MCC: variants seen among roughly 807,000 people sequenced by gnomAD.
The protein encoded by MCC is MCC regulator of Wnt signaling pathway, also known as colorectal mutant cancer protein.
MCC carries 90 observed loss-of-function variants against 116.2 expected under a neutral mutation model. That is an observed-to-expected ratio of 0.77 (90% confidence interval 0.65 to 0.92). The LOEUF is 0.92. Among genes scored for constraint, MCC ranks in the 40% least tolerant of loss-of-function variants. MCC has a pLI of 0.00. For missense variants in MCC, 1,516 were observed against 1,312.2 expected, an observed-to-expected ratio of 1.16 and a Z score of -2.40; for synonymous variants, 578 against 510.5, an observed-to-expected ratio of 1.13 and a Z score of -1.78.
intron 1 of MCC, among the ~76,000 whole-genome samples, chr5:113,411,774 A>C (rs1231577065): frequency 7.9e-5 from 12 of 152,310 alleles, no homozygotes; most frequent in South Asian, 2.1e-4. Flanking sequence ...TCTTTAGTTT[A>C]ATTAGATCCC....
At position 113,085,199 on chromosome 5, in the gene MCC, T is replaced by C. The variant is rs779851771; in HGVS notation, c.1510A>G (p.Thr504Ala). The C allele has an allele frequency of 1.1e-5, 18 of 1,614,160 alleles. No homozygotes were observed. In the Admixed American group the frequency reaches 2.5e-4, roughly 22 times the overall value. The change falls in exon 9 of 19, where the codon ACA becomes GCA. Residue 504 changes from threonine to alanine, a missense_variant. Thr to Ala is a moderately conservative substitution (Grantham distance 58). Coordinates refer to ENST00000408903, the MANE Select transcript of MCC (RefSeq NM_001085377.2). ...PINPSTGELS[T>A]SSSSNDIPIA... is the part of the protein sequence containing the mutation. ...GGAATGTCATTGCTGCTGCTGCTTG[T>C]GCTCAGCTCCCCAGTGCTGGGGTTA...
rs1561569835 is a variant in MCC at position 113,434,071 on chromosome 5, C to T, written c.171-48859G>A. ...TCGTCGATGTGGAGCCGCCGGTTGA[C>T]GTCGGGCTGCAGCATGTGGTAGATG... On this transcript the variant is annotated intron_variant, in intron 1 of 18. Transcript: ENST00000408903. The surrounding 1 kb of genome is among the most constrained non-coding windows in gnomAD (Gnocchi z 4.2). 3.7e-6 allele frequency: 6 copies of T among 1,614,168 alleles called. No individual in the cohort carries two copies. The highest frequency in any genetic ancestry group is 2.2e-5 in the South Asian group (2 of 91,082).
intron 5 of MCC, among the ~76,000 whole-genome samples, chr5:113,129,106 G>A (rs1758271653): frequency 6.6e-6 from 1 of 152,196 alleles, no homozygotes; most frequent in African/African-American, 2.4e-5. Context: ...CCAGTAAGCA[G>A]AAGGGTTGAG....
intron 1 of MCC, among the ~76,000 whole-genome samples, chr5:113,483,693 T>C (rs1772438519): frequency 6.6e-6 from 1 of 152,120 alleles, no homozygotes; most frequent in South Asian, 2.1e-4. Flanking sequence ...CATTACTAGG[T>C]ATATACTCAA....
intron 14 of MCC, among the ~76,000 whole-genome samples, chr5:113,063,503 G>A (rs929253453): frequency 1.3e-5 from 2 of 152,208 alleles, no homozygotes; most frequent in African/African-American, 4.8e-5. Context: ...GAGAGGAGAG[G>A]CTCTTGCCTG....
chr5:113,452,138 T>G (rs950884738), intron 1 of MCC, among the ~76,000 whole-genome samples: 2 of 152,180 alleles, frequency 1.3e-5, no homozygotes, highest in African/African-American at 4.8e-5. Context: ...AAATGGAAAC[T>G]GCCAGGACAC....
At chr5:113,149,837 G>A (rs1222855809) in intron 4 of MCC, among the ~76,000 whole-genome samples, 1 of 152,162 alleles carries the variant, frequency 6.6e-6, no homozygotes, top group Non-Finnish European at 1.5e-5. Flanking sequence ...CATAAGATCT[G>A]AGTGGCATCA....
rs772732918 is a variant in MCC at position 113,053,908 on chromosome 5, GTCT to G, written c.2262_2264del (p.Glu754del). ...GGATATAATCCTTCAGCCTCTGCTC[GTCT>G]TCTTTAGTGAACTCGGTGTCGCAAC... On this transcript the variant is annotated inframe_deletion, in exon 15 of 19. Coordinates refer to ENST00000408903, the MANE Select transcript of MCC (RefSeq NM_001085377.2). The G allele has an allele frequency of 1.9e-6, 3 of 1,613,952 alleles. No homozygotes were observed. Among genetic ancestry groups the G allele is most frequent in the Non-Finnish European group, 2.5e-6 (3 of 1,179,918 alleles).
chr5:113,168,695 T>C (rs1258807208), intron 3 of MCC, among the ~76,000 whole-genome samples: 1 of 152,134 alleles, frequency 6.6e-6, no homozygotes, highest in Non-Finnish European at 1.5e-5. Context: ...AAAGCAACTG[T>C]GCTTTTTTGC....
intron 3 of MCC, among the ~76,000 whole-genome samples, chr5:113,219,588 A>G (rs1336628177): frequency 6.6e-6 from 1 of 152,212 alleles, no homozygotes; most frequent in Non-Finnish European, 1.5e-5. Context: ...ATTGCTTTAA[A>G]ATTTCAATAA....
chr5:113,477,234 CA>C lies in MCC; in HGVS notation c.170+11010del, dbSNP rs567878647. On this transcript the variant is annotated intron_variant, in intron 1 of 18. Transcript: ENST00000408903. ...CTAGACTGTAGGTAGTTGCTAAAAACAAAACAAGACAAAAACCAGTAAGTTG... is the reference window on the plus strand; with the variant it reads ...CTAGACTGTAGGTAGTTGCTAAAAACAAACAAGACAAAAACCAGTAAGTTG... Among the ~76,000 whole-genome samples the C allele has an allele frequency of 1.1e-4, 16 of 152,204 alleles. No homozygotes were observed. In the East Asian group the frequency reaches 3.1e-3, roughly 29 times the overall value.
At chr5:113,056,726 AAAAGT>A (rs1359372383) in intron 14 of MCC, among the ~76,000 whole-genome samples, 1 of 151,470 alleles carries the variant, frequency 6.6e-6, no homozygotes, top group Admixed American at 6.6e-5. Flanking sequence ...AACTTAAAAT[AAAAGT>A]AAAAAAAAAA....
chr5:113,432,074 TTTG>T (rs1192262773), intron 1 of MCC, among the ~76,000 whole-genome samples: 1 of 151,402 alleles, frequency 6.6e-6, no homozygotes, highest in East Asian at 1.9e-4. Context: ...AGGCGGAGGT[TTTG>T]GTGAGCCAAG....
Position 113,026,234 on chromosome 5 carries a change from C to A in MCC, c.*1068G>T, listed in dbSNP as rs1032766056. 1 of 152,210 alleles carries A rather than the reference C, an allele frequency of 6.6e-6. No homozygotes were observed. The highest frequency in any genetic ancestry group is 1.5e-5 in the Non-Finnish European group (1 of 68,054). The allele number at this position is 152,210 out of a possible 1,614,324, so 9.4% of individuals were successfully genotyped here. The stretch of plus-strand genomic sequence containing the variant: ...TTAACTACCATTCCCTCACTCTGTC[C>A]CCGTCATGACAACAGGAGCTAAGTC... On this transcript the variant is annotated 3_prime_UTR_variant, in exon 19 of 19. Coordinates refer to ENST00000408903, the MANE Select transcript of MCC (RefSeq NM_001085377.2).
At chr5:113,102,850 C>T (rs962173355) in intron 7 of MCC, among the ~76,000 whole-genome samples, 8 of 151,774 alleles carry the variant, frequency 5.3e-5, no homozygotes, top group Non-Finnish European at 1.5e-5. Flanking sequence ...GGTGCAGTGG[C>T]TCACGCCTGT....
At chr5:113,314,312 T>A (rs760426552) in intron 3 of MCC, among the ~76,000 whole-genome samples, 14 of 152,238 alleles carry the variant, frequency 9.2e-5, no homozygotes, top group Admixed American at 2.6e-4. Flanking sequence ...ACAATTTGGA[T>A]GGACTTGGGA....
rs150684479 is a variant in MCC, at chr5:113,214,089, C to T, written c.628-62667G>A. On this transcript the variant is annotated intron_variant, in intron 3 of 18. Transcript: ENST00000408903. ...TCCTCCCACCCCTGTCCCCATATTCCGGACTTAAAATACAAGGTCACGCAC... is the reference window on the plus strand; with the variant it reads ...TCCTCCCACCCCTGTCCCCATATTCTGGACTTAAAATACAAGGTCACGCAC... Among the ~76,000 whole-genome samples the T allele has an allele frequency of 6.1e-4, 93 of 152,246 alleles. 1 individual carries two copies. Among genetic ancestry groups the T allele is most frequent in the African/African-American group, 8.7e-4 (36 of 41,542 alleles).
At chr5:113,235,637 C>G (rs1005882911) in intron 3 of MCC, among the ~76,000 whole-genome samples, 38 of 152,300 alleles carry the variant, frequency 2.5e-4, no homozygotes, top group Admixed American at 4.6e-4. Context: ...GGCCCATGTC[C>G]CTTTATGATA....
At chr5:113,183,165 C>G (rs952056232) in intron 3 of MCC, among the ~76,000 whole-genome samples, 18 of 152,148 alleles carry the variant, frequency 1.2e-4, no homozygotes, top group African/African-American at 4.1e-4. Context: ...GCGGCCCCAT[C>G]TGCTCCTCAG....
Sources: allele counts gnomAD v4.1 joint callset (sites outside exome capture counted in the v4.1 genomes callset), GRCh38; gene constraint gnomAD v4.1.1; non-coding constraint Gnocchi (gnomAD v3.1); transcripts MANE v1.5; gene names NCBI Gene and HGNC (gene_info 2026-07-23, HGNC 2026-07-21).